The following HAL variants were observed in gnomAD, a reference collection of about 807,000 sequenced individuals.
HAL encodes histidase.
A neutral mutation model predicts 81.1 loss-of-function variants in HAL; 85 were observed. That is an observed-to-expected ratio of 1.05 (90% CI 0.88 to 1.25). The LOEUF is 1.25. Ranked by LOEUF, HAL falls within the 50% of genes most tolerant of loss-of-function variation. The probability of loss-of-function intolerance (pLI) is 0.00; values close to 1 mark genes in which losing one functional copy is unlikely to be tolerated. For missense variants in HAL, 798 were observed against 836.6 expected (o/e 0.95, Z 0.57); for synonymous variants, 301 against 309.2 (o/e 0.97, Z 0.28).
At chr12:95,995,341 A>C in intron 2 of HAL, 1 of 558,524 alleles carries the variant, frequency 1.8e-6, no homozygotes, top group Non-Finnish European at 3.2e-6. Context: ...AAATAACCTC[A>C]AAATGATTCA....
At chr12:95,975,347 C>CT (rs35532808) in intron 20 of HAL, among the ~76,000 whole-genome samples, 17,728 of 141,892 alleles carry the variant, frequency 0.12, 1,727 homozygotes, top group African/African-American at 0.27. Context: ...CCTCTTTTTT[C>CT]TTTTTTTTTT....
chr12:95,977,689 A>G (rs578216127), intron 18 of HAL, among the ~76,000 whole-genome samples: 41 of 150,862 alleles, frequency 2.7e-4, no homozygotes, highest in Non-Finnish European at 4.9e-4. Context: ...CCAAAGGACC[A>G]GCTTAGTTCT....
Position 95,995,670 on chromosome 12 carries a change from C to T in HAL, c.241G>A (p.Glu81Lys), listed in dbSNP as rs749620814. The T allele has an allele frequency of 6.2e-7, 1 of 1,613,444 alleles. No homozygotes were observed. Among genetic ancestry groups the T allele is most frequent in the East Asian group, 2.2e-5 (1 of 44,888 alleles). Residue 81 changes from glutamate to lysine, a missense_variant, in exon 2 of 21, where the codon GAA (glutamate) becomes AAA (lysine). Glu to Lys is a moderately conservative substitution (Grantham distance 56). Coordinates refer to ENST00000261208, the MANE Select transcript of HAL (RefSeq NM_002108.4). The part of the protein sequence containing the change: ...EVALENNEFV[E>K]VVIEGDAMSP... ...CTCTCCTGCAGCCACTCACCCACTT[C>T]CACGAACTCGTTGTTCTCTAGGGCC...
At chr12:95,987,332 ATTATGT>A (rs544413886) in intron 11 of HAL, 118 bp from the exon 12 acceptor site, 97 of 848,580 alleles carry the variant, frequency 1.1e-4, no homozygotes, top group East Asian at 3.9e-4. Flanking sequence ...AACATAAAAA[ATTATGT>A]TTATGTTTTC....
At chr12:95,977,866 G>A (rs2080741228) in intron 18 of HAL, 78 bp downstream of exon 18, 1 of 1,457,412 alleles carries the variant, frequency 6.9e-7, no homozygotes, top group Non-Finnish European at 9.6e-7. Context: ...TGATGTTGCT[G>A]GTGGGAGATC....
chr12:95,987,604 T>A (rs1238901295), intron 11 of HAL, among the ~76,000 whole-genome samples: 1 of 152,216 alleles, frequency 6.6e-6, no homozygotes, highest in Non-Finnish European at 1.5e-5. Flanking sequence ...GCTTAGAGCA[T>A]TCTAAGGAAT....
chr12:95,993,998 G>A lies in HAL; in HGVS notation c.412C>T (p.Leu138Phe), dbSNP rs1165265835. 6.2e-7 allele frequency: 1 copy of A among 1,611,444 alleles called. No homozygotes were observed. The highest frequency in any genetic ancestry group is 2.2e-5 in the East Asian group (1 of 44,860). ...NLGKGRYKIK[L>F]TPTAEKRVQK... ...ACCCTCTTCTCAGCTGTTGGGGTGA[G>A]CTAGGAAAATGTTGATCAGAACTGA... is the stretch of plus-strand genomic sequence containing the variant. The change falls in exon 6 of 21, where the codon CTC becomes TTC. Residue 138 changes from leucine to phenylalanine, a missense_variant and splice_region_variant. Physicochemically the swap from Leu to Phe is conservative, Grantham distance 22. Transcript: ENST00000261208.
rs749315754 is a variant in HAL at position 95,979,074 on chromosome 12, AG to A, written c.1520-997del. Among the ~76,000 whole-genome samples the A allele has an allele frequency of 2.0e-4, 30 of 152,314 alleles. 1 individual carries two copies. Among genetic ancestry groups the A allele is most frequent in the Middle Eastern group, 3.4e-3 (1 of 294 alleles). On this transcript the variant is annotated intron_variant, in intron 17 of 20. Coordinates refer to ENST00000261208, the MANE Select transcript of HAL (RefSeq NM_002108.4). Reference sequence around the variant, plus strand: ...GGCTTGTTCGGAAAGATAACTTACAAGGGCCAAAAAAAGAAAAACACTAATT... The same window carrying A: ...GGCTTGTTCGGAAAGATAACTTACAAGGCCAAAAAAAGAAAAACACTAATT...
At position 95,995,902 on chromosome 12, in the gene HAL, T is replaced by C. The variant is rs766635201; in HGVS notation, c.9A>G (p.Arg3=). 2.5e-6 allele frequency: 4 copies of C among 1,604,206 alleles called. No individual in the cohort carries two copies. The highest frequency in any genetic ancestry group is 3.4e-6 in the Non-Finnish European group (4 of 1,179,940). The change falls in exon 2 of 21, where the codon AGA becomes AGG. Residue 3 remains arginine, a synonymous_variant. Transcript: ENST00000261208. ...ATTCCCCACGTACGTGCACCGTGTA[T>C]CTGGGCATGGCTCCGCTGCAGCCTG... MP[R]YTVHVRGEWL...
intron 8 of HAL, 145 bp downstream of exon 8, chr12:95,993,306 A>G (rs1289550406): frequency 5.5e-6 from 4 of 728,494 alleles, no homozygotes; most frequent in Non-Finnish European, 7.6e-6. Flanking sequence ...TTCTTTCTGC[A>G]TCCCTTCTCA....
intron 15 of HAL, 135 bp downstream of exon 15, chr12:95,983,776 C>T: frequency 1.4e-6 from 1 of 693,010 alleles, no homozygotes; most frequent in Non-Finnish European, 2.6e-6. Flanking sequence ...ACCTCTGAGC[C>T]TCAGGTACTG....
chr12:95,991,075 A>T (rs1949965095), intron 9 of HAL, among the ~76,000 whole-genome samples: 1 of 152,158 alleles, frequency 6.6e-6, no homozygotes, highest in African/African-American at 2.4e-5. Flanking sequence ...GTGCCACTGC[A>T]CTCCAGCCTG....
chr12:95,983,754 G>C (rs1949841003), intron 15 of HAL, 157 bp downstream of exon 15: 1 of 662,608 alleles, frequency 1.5e-6, no homozygotes, highest in Non-Finnish European at 2.7e-6. Flanking sequence ...CTGACCTGGA[G>C]AAAGTCAGTT....
chr12:95,988,822 C>G (rs2268519), intron 10 of HAL, among the ~76,000 whole-genome samples: 12,251 of 152,072 alleles, frequency 0.081, 769 homozygotes, highest in East Asian at 0.33. Context: ...ACAATCTTCC[C>G]TTGAAAGAAA....
At chr12:95,994,753 G>A (rs2136830137) in intron 4 of HAL, 45 bp downstream of exon 4, 1 of 1,585,446 alleles carries the variant, frequency 6.3e-7, no homozygotes, top group Non-Finnish European at 8.7e-7. Flanking sequence ...TCTTAAATAA[G>A]GGGCCTTAAT....
At chr12:95,979,717 C>T (rs1280840241) in intron 17 of HAL, among the ~76,000 whole-genome samples, 1 of 152,192 alleles carries the variant, frequency 6.6e-6, no homozygotes, top group Non-Finnish European at 1.5e-5. Flanking sequence ...TTAAATTTGA[C>T]AACCCTATTT....
intron 8 of HAL, 54 bp from the exon 9 acceptor site, chr12:95,992,859 C>A: frequency 6.8e-7 from 1 of 1,474,802 alleles, no homozygotes; most frequent in Non-Finnish European, 9.3e-7. Context: ...TTTTTGTCTC[C>A]TGACAATTGC....
chr12:95,985,802 A>G (rs1281658405), intron 14 of HAL, 106 bp downstream of exon 14: 1 of 746,810 alleles, frequency 1.3e-6, no homozygotes, highest in Non-Finnish European at 2.3e-6. Flanking sequence ...TGACCATTAC[A>G]TGTTTTTCTA....
intron 20 of HAL, among the ~76,000 whole-genome samples, chr12:95,974,847 C>T (rs373080132): frequency 4.6e-5 from 7 of 152,230 alleles, no homozygotes; most frequent in South Asian, 2.1e-4. Flanking sequence ...TCAAGCAATT[C>T]TTGTGCCTCA....
Sources: gnomAD v4.1 joint callset for allele counts (sites outside exome capture counted in the v4.1 genomes callset) on GRCh38, gnomAD v4.1.1 for gene constraint, MANE v1.5 for transcripts, NCBI Gene and HGNC (gene_info 2026-07-23, HGNC 2026-07-21) for gene names.